FANCB: variants seen among roughly 807,000 people sequenced by gnomAD.
The protein encoded by FANCB is Fanconi anemia group B protein.
In FANCB, 5 loss-of-function variants were observed where a neutral mutation model predicts 38.9. The ratio of observed to expected loss-of-function variants is 0.13; its 90% confidence interval spans 0.07 to 0.27. The LOEUF (loss-of-function observed/expected upper bound fraction) is 0.27, where lower values mean the gene tolerates loss of function less well. FANCB is among the 10% of genes least tolerant of loss of function. FANCB has a pLI of 1.00. For missense variants in FANCB, 573 were observed against 602.7 expected (o/e 0.95, Z 0.52); for synonymous variants, 236 against 215.4 (o/e 1.10, Z -0.84).
intron 5 of FANCB, among the ~76,000 whole-genome samples, chrX:14,853,770 A>T (rs2092411995): frequency 8.9e-6 from 1 of 112,017 alleles, no homozygotes; most frequent in South Asian, 3.7e-4. Context: ...TTGGCTCTGA[A>T]CTGGGCATAC....
At chrX:14,728,300 G>T in the FANCB span, among the ~76,000 whole-genome samples, 1 of 111,120 alleles carries the variant, frequency 9.0e-6, no homozygotes, top group African/African-American at 3.3e-5. Context: ...GTCTGAGGCG[G>T]GAGGATCACT....
Position 14,859,282 on chromosome X carries a change from C to T in FANCB, c.1004G>A (p.Gly335Glu), listed in dbSNP as rs41309679. 86,719 of 1,187,007 alleles carry T rather than the reference C, an allele frequency of 0.073. 2,526 individuals carry two copies. Among genetic ancestry groups the T allele is most frequent in the Non-Finnish European group, 0.081 (71,068 of 874,963 alleles). The change falls in exon 4 of 10, where the codon GGA (glycine) becomes GAA (glutamate). Residue 335 changes from glycine to glutamate, a missense_variant. Coordinates refer to ENST00000650831, the MANE Select transcript of FANCB (RefSeq NM_001018113.3). ...LSLVLIDDFI[G>E]SGTEQVLLLF... Reference sequence around the variant, plus strand: ...TAGGAGTACTTGTTCAGTTCCACTTCCAATAAAGTCATCTATCAGTACTAA... The same window carrying T: ...TAGGAGTACTTGTTCAGTTCCACTTTCAATAAAGTCATCTATCAGTACTAA...
chrX:14,758,363 C>T, the FANCB span, among the ~76,000 whole-genome samples: 2 of 112,210 alleles, frequency 1.8e-5, no homozygotes, highest in African/African-American at 6.5e-5. Context: ...CCCTATACTA[C>T]CACAGCTGAT....
At chrX:14,745,687 A>AT in the FANCB span, among the ~76,000 whole-genome samples, 118 of 29,246 alleles carry the variant, frequency 4.0e-3, 7 homozygotes, top group African/African-American at 0.014. Flanking sequence ...AAACTCTGGA[A>AT]TTTTTTTTTT....
rs2092361752 is a variant in FANCB, at chrX:14,843,571, A to G, written c.2576T>C (p.Leu859Ser). 7.0e-6 allele frequency: 8 copies of G among 1,150,926 alleles called. No individual in the cohort carries two copies. The highest frequency in any genetic ancestry group is 8.3e-6 in the Non-Finnish European group (7 of 846,210). 94.8% of individuals were successfully genotyped at this position (1,150,926 alleles called of 1,213,427 possible). Residue 859 changes from leucine to serine, a missense_variant, in exon 10 of 10, where the codon TTA (leucine) becomes TCA (serine). Transcript: ENST00000650831. ...SDFAAQKLSN[L>S] is the part of the protein sequence containing the mutation. ...ATGATCAAATTGAAATTATAATTAT[A>G]AATTACTCAGTTTCTGTGCAGCAAA...
chrX:14,821,369 A>G, the FANCB span, among the ~76,000 whole-genome samples: 1 of 111,809 alleles, frequency 8.9e-6, no homozygotes, highest in Non-Finnish European at 1.9e-5. Flanking sequence ...GAAAAATCAT[A>G]TGAAAAGTGA....
chrX:14,711,968 G>A, the FANCB span, among the ~76,000 whole-genome samples: 14 of 112,674 alleles, frequency 1.2e-4, no homozygotes, highest in East Asian at 8.3e-4. Context: ...AATCTTCCGC[G>A]ATTAAGATGC....
At chrX:14,804,532 T>C in the FANCB span, among the ~76,000 whole-genome samples, 1 of 111,233 alleles carries the variant, frequency 9.0e-6, no homozygotes, top group African/African-American at 3.3e-5. Context: ...ATACCTAATG[T>C]TAAATGATGA....
chrX:14,791,301 G>A, the FANCB span, among the ~76,000 whole-genome samples: 1 of 111,302 alleles, frequency 9.0e-6, no homozygotes, highest in East Asian at 2.8e-4. Context: ...GGAAAATTTG[G>A]ATGCACGCAT....
the FANCB span, among the ~76,000 whole-genome samples, chrX:14,748,983 A>G: frequency 1.8e-5 from 2 of 111,998 alleles, no homozygotes; most frequent in Non-Finnish European, 3.8e-5. Flanking sequence ...CAGGGCTTGA[A>G]ACAATGGGTA....
At chrX:14,801,905 G>A in the FANCB span, among the ~76,000 whole-genome samples, 2 of 110,872 alleles carry the variant, frequency 1.8e-5, no homozygotes, top group Non-Finnish European at 3.8e-5. Flanking sequence ...AAACAAATGG[G>A]CAAAATGGAC....
At chrX:14,848,671 C>T (rs978091469) in intron 7 of FANCB, among the ~76,000 whole-genome samples, 2 of 111,905 alleles carry the variant, frequency 1.8e-5, no homozygotes, top group African/African-American at 6.5e-5. Context: ...AAATTACTGA[C>T]ACACACACTA....
At position 14,845,197 on chromosome X, in the gene FANCB, T is replaced by C. The variant is rs905186149; in HGVS notation, c.1586A>G (p.Lys529Arg). The C allele has an allele frequency of 1.7e-6, 2 of 1,207,167 alleles. No individual in the cohort carries two copies. The highest frequency in any genetic ancestry group is 3.0e-5 in the East Asian group (1 of 33,757). The change falls in exon 8 of 10, where the codon AAG becomes AGG. Residue 529 changes from lysine (K) to arginine (R), a missense_variant. Physicochemically the swap from Lys to Arg is conservative, Grantham distance 26. Coordinates refer to ENST00000650831, the MANE Select transcript of FANCB (RefSeq NM_001018113.3). The part of the protein sequence containing the change: ...RLLKCQNRVI[K>R]LSTNPFPAPY... ...TGCTGGGAAAGGATTTGTACTCAACTTAATCACCCTATTTTGACACTTTAG... is the reference window on the plus strand; with the variant it reads ...TGCTGGGAAAGGATTTGTACTCAACCTAATCACCCTATTTTGACACTTTAG...
the FANCB span, among the ~76,000 whole-genome samples, chrX:14,733,559 T>C: frequency 8.9e-6 from 1 of 112,016 alleles, no homozygotes; most frequent in Non-Finnish European, 1.9e-5. Flanking sequence ...TGGTTTATAG[T>C]TCTCCTTGAA....
At position 14,843,593 on chromosome X, in the gene FANCB, C is replaced by T. The variant is rs770685871; in HGVS notation, c.2554G>A (p.Ala852Thr). ...TATAAATTACTCAGTTTCTGTGCAG[C>T]AAAGTCTGATTTCAACTGAACCTCA... ...VAEVQLKSDF[A>T]AQKLSNL The change falls in exon 10 of 10, where the codon GCT becomes ACT. Residue 852 changes from alanine (A) to threonine (T), a missense_variant. Coordinates refer to ENST00000650831, the MANE Select transcript of FANCB (RefSeq NM_001018113.3). 24 of 1,195,282 alleles carry T rather than the reference C, an allele frequency of 2.0e-5. No individual in the cohort carries two copies. Among genetic ancestry groups the T allele is most frequent in the Non-Finnish European group, 2.7e-5 (24 of 884,600 alleles).
chrX:14,694,725 T>A, the FANCB span, among the ~76,000 whole-genome samples: 2 of 112,753 alleles, frequency 1.8e-5, no homozygotes, highest in Non-Finnish European at 3.8e-5. Context: ...AGGCACTGTG[T>A]AAATCCTTAG....
At chrX:14,693,053 A>G in the FANCB span, among the ~76,000 whole-genome samples, 11 of 98,679 alleles carry the variant, frequency 1.1e-4, no homozygotes, top group Admixed American at 1.2e-3. Context: ...AACAAAAAAA[A>G]AAAAGAAAGA....
the FANCB span, among the ~76,000 whole-genome samples, chrX:14,802,592 G>A: frequency 1.8e-5 from 2 of 111,793 alleles, no homozygotes; most frequent in Non-Finnish European, 3.8e-5. Context: ...AATTCAATGG[G>A]ACACTATTAG....
At chrX:14,731,080 T>C in the FANCB span, 1 of 112,409 alleles carries the variant, frequency 8.9e-6, no homozygotes, top group East Asian at 2.8e-4. Flanking sequence ...ACAATGTCTG[T>C]AATTAGTGTT....
Sources: gnomAD v4.1 joint callset for allele counts (sites outside exome capture counted in the v4.1 genomes callset) on GRCh38, gnomAD v4.1.1 for gene constraint, MANE v1.5 for transcripts, NCBI Gene and HGNC (gene_info 2026-07-23, HGNC 2026-07-21) for gene names.